The following PPM1L variants were observed in gnomAD, a reference collection of about 807,000 sequenced individuals.
PPM1L encodes protein phosphatase, Mg2+/Mn2+ dependent 1L.
In PPM1L, 13 loss-of-function variants were observed where a neutral mutation model predicts 31.4. The observed-to-expected ratio is 0.41, with a 90% CI of 0.27 to 0.66. The LOEUF is 0.66. Among genes scored for constraint, PPM1L ranks in the 30% least tolerant of loss-of-function variants. The pLI is 0.29. For missense variants in PPM1L, 326 were observed against 453.7 expected (o/e 0.72, Z 2.56); for synonymous variants, 184 against 175.4 (o/e 1.05, Z -0.39).
chr3:160,851,716 A>T (rs1466058767), intron 1 of PPM1L, among the ~76,000 whole-genome samples: 1 of 152,160 alleles, frequency 6.6e-6, no homozygotes, highest in Non-Finnish European at 1.5e-5. Context: ...GGCATTAGTT[A>T]TCTAGAGGGA....
intron 2 of PPM1L, among the ~76,000 whole-genome samples, chr3:161,044,912 A>G (rs1199442415): frequency 3.9e-5 from 6 of 152,146 alleles, no homozygotes; most frequent in East Asian, 3.8e-4. Context: ...GCTCAAAATA[A>G]AGGGATGGAG....
intron 1 of PPM1L, among the ~76,000 whole-genome samples, chr3:160,850,257 G>A (rs1168511785): frequency 2.0e-5 from 3 of 152,186 alleles, no homozygotes; most frequent in Non-Finnish European, 4.4e-5. Context: ...GATTCATAGA[G>A]CAAGGTCCAG....
rs1286832672 is a variant in PPM1L at position 161,074,193 on chromosome 3, T to C, written c.*5036T>C. Reference sequence around the variant, plus strand: ...TCCTCTCTGGATTCAGTGAAATAATTTGAAATCAATTAGAGCTCATACCTT... The same window carrying C: ...TCCTCTCTGGATTCAGTGAAATAATCTGAAATCAATTAGAGCTCATACCTT... On this transcript the variant is annotated 3_prime_UTR_variant, in exon 4 of 4. Transcript: ENST00000498165. 1 of 152,222 alleles carries C rather than the reference T, an allele frequency of 6.6e-6. No homozygotes were observed. Among genetic ancestry groups the C allele is most frequent in the Non-Finnish European group, 1.5e-5 (1 of 68,030 alleles). The allele number at this position is 152,222 out of a possible 1,614,324, so 9.4% of individuals were successfully genotyped here. A position where few individuals can be genotyped will look rare whatever the true frequency, so the allele number is the denominator to read the frequency against.
intron 2 of PPM1L, among the ~76,000 whole-genome samples, chr3:160,985,534 C>T (rs767773468): frequency 6.6e-6 from 1 of 152,082 alleles, no homozygotes; most frequent in Non-Finnish European, 1.5e-5. Context: ...ATTCTCATTC[C>T]CATATTGGAA....
intron 2 of PPM1L, among the ~76,000 whole-genome samples, chr3:160,993,617 C>T (rs2108045794): frequency 1.3e-5 from 2 of 152,074 alleles, no homozygotes; most frequent in Admixed American, 1.3e-4. Flanking sequence ...GGGCCTCAGC[C>T]CTTAAGAATG....
At chr3:160,952,314 G>C (rs766005711) in intron 1 of PPM1L, among the ~76,000 whole-genome samples, 6 of 152,192 alleles carry the variant, frequency 3.9e-5, no homozygotes, top group Non-Finnish European at 7.3e-5. Flanking sequence ...GTAAATTAAC[G>C]TGTGGTCTGT....
chr3:160,924,033 A>G (rs191859612), intron 1 of PPM1L, among the ~76,000 whole-genome samples: 144 of 152,354 alleles, frequency 9.5e-4, no homozygotes, highest in Non-Finnish European at 1.4e-3. Context: ...AACAACAAAC[A>G]AAAACAGTAC....
intron 2 of PPM1L, among the ~76,000 whole-genome samples, chr3:161,028,519 TA>T (rs1199932359): frequency 6.6e-6 from 1 of 151,530 alleles, no homozygotes; most frequent in Non-Finnish European, 1.5e-5. Flanking sequence ...AAGTAGACAG[TA>T]AAAAGAACCA....
chr3:160,887,457 G>GA (rs1026939715), intron 1 of PPM1L, among the ~76,000 whole-genome samples: 3 of 149,662 alleles, frequency 2.0e-5, no homozygotes, highest in African/African-American at 7.4e-5. Flanking sequence ...TGAAATGAAG[G>GA]AAAAAAAAGC....
chr3:160,838,628 T>TA (rs1713784673), intron 1 of PPM1L, among the ~76,000 whole-genome samples: 1 of 152,214 alleles, frequency 6.6e-6, no homozygotes, highest in South Asian at 2.1e-4. Context: ...TTTTAATCCT[T>TA]AAGTGGACTT....
intron 1 of PPM1L, among the ~76,000 whole-genome samples, chr3:160,842,941 T>G (rs112979014): frequency 0.03 from 4,627 of 152,266 alleles, 218 homozygotes; most frequent in African/African-American, 0.11. Context: ...TGCCTAAATA[T>G]TTGTCTTATT....
chr3:160,875,066 A>G (rs569564568), intron 1 of PPM1L, among the ~76,000 whole-genome samples: 14 of 152,332 alleles, frequency 9.2e-5, no homozygotes, highest in African/African-American at 3.4e-4. Flanking sequence ...TATTATTTTA[A>G]GCCCCTTTGC....
chr3:160,802,308 G>A (rs1712453973), intron 1 of PPM1L, among the ~76,000 whole-genome samples: 1 of 152,156 alleles, frequency 6.6e-6, no homozygotes, highest in South Asian at 2.1e-4. Flanking sequence ...CATGTAATTA[G>A]GAGAGAGGGA....
intron 2 of PPM1L, among the ~76,000 whole-genome samples, chr3:161,050,220 A>G (rs1200158057): frequency 6.6e-6 from 1 of 152,256 alleles, no homozygotes; most frequent in Non-Finnish European, 1.5e-5. Context: ...TCACTTGCAT[A>G]GCCGCAGTCT....
chr3:161,004,807 A>AT (rs1269655784), intron 2 of PPM1L, among the ~76,000 whole-genome samples: 4 of 151,708 alleles, frequency 2.6e-5, no homozygotes, highest in East Asian at 1.9e-4. Flanking sequence ...GGATTCATTA[A>AT]TTTTTTGAAG....
intron 1 of PPM1L, among the ~76,000 whole-genome samples, chr3:160,766,633 C>T (rs903085452): frequency 6.6e-6 from 1 of 151,772 alleles, no homozygotes; most frequent in African/African-American, 2.4e-5. Flanking sequence ...GTAAATTACC[C>T]AATCTCAGGT....
chr3:160,872,228 G>C (rs952190264), intron 1 of PPM1L, among the ~76,000 whole-genome samples: 2 of 152,190 alleles, frequency 1.3e-5, no homozygotes, highest in Non-Finnish European at 2.9e-5. Context: ...GAAGGGTTTA[G>C]GGGGTTATTT....
intron 1 of PPM1L, among the ~76,000 whole-genome samples, chr3:160,825,536 C>T (rs555535839): frequency 6.6e-6 from 1 of 152,242 alleles, no homozygotes; most frequent in Non-Finnish European, 1.5e-5. Flanking sequence ...GCATTGTTAC[C>T]TCCCGCATGT....
At chr3:160,884,311 T>C (rs12374192) in intron 1 of PPM1L, among the ~76,000 whole-genome samples, 3,720 of 152,222 alleles carry the variant, frequency 0.024, 78 homozygotes, top group Middle Eastern at 0.034. Context: ...TAGGTCTCCA[T>C]GGGTTAGTAA....
Sources: gnomAD v4.1 joint callset for allele counts (sites outside exome capture counted in the v4.1 genomes callset) on GRCh38, gnomAD v4.1.1 for gene constraint, MANE v1.5 for transcripts, NCBI Gene and HGNC (gene_info 2026-07-23, HGNC 2026-07-21) for gene names.